TFEC: variants seen among roughly 807,000 people sequenced by gnomAD.
TFEC encodes transcription factor EC.
A neutral mutation model predicts 41.6 loss-of-function variants in TFEC; 31 were observed. That is an observed-to-expected ratio of 0.74 (90% CI 0.56 to 1.01). The LOEUF (loss-of-function observed/expected upper bound fraction) is 1.01, where lower values mean the gene tolerates loss of function less well. TFEC is among the 50% of genes least tolerant of loss of function. TFEC has a pLI of 0.00. For missense variants in TFEC, 402 were observed against 404.1 expected, an observed-to-expected ratio of 0.99 and a Z score of 0.04; for synonymous variants, 143 against 140.6, an observed-to-expected ratio of 1.02 and a Z score of -0.12.
chr7:116,125,621 T>C (rs562911206), intron 1 of TFEC, among the ~76,000 whole-genome samples: 41 of 150,954 alleles, frequency 2.7e-4, no homozygotes, highest in African/African-American at 9.7e-4. Context: ...CGAGATAGAG[T>C]GGAAGGGACA....
At chr7:115,954,472 T>C in intron 5 of TFEC, 114 bp downstream of exon 5, 1 of 665,692 alleles carries the variant, frequency 1.5e-6, no homozygotes, top group South Asian at 2.9e-5. Flanking sequence ...ATATGTGCAA[T>C]TAATTTTGGC....
chr7:115,971,195 G>C (rs544635655), intron 3 of TFEC, among the ~76,000 whole-genome samples: 2 of 151,954 alleles, frequency 1.3e-5, no homozygotes, highest in Admixed American at 6.6e-5. Context: ...AAGACCCAGA[G>C]ACATTGGCTT....
At chr7:116,127,597 A>C (rs1198842188) in intron 1 of TFEC, among the ~76,000 whole-genome samples, 2 of 151,540 alleles carry the variant, frequency 1.3e-5, no homozygotes, top group Non-Finnish European at 2.9e-5. Flanking sequence ...AAGTACTCCA[A>C]GATTACTCAT....
chr7:116,130,045 AACACACACACACACAC>A (rs56872188), intron 1 of TFEC, among the ~76,000 whole-genome samples: 4 of 142,248 alleles, frequency 2.8e-5, no homozygotes, highest in South Asian at 2.4e-4. Flanking sequence ...AACATGCAAG[AACACACACACACACAC>A]ACACACACAC....
intron 3 of TFEC, among the ~76,000 whole-genome samples, chr7:116,074,432 TA>T (rs1285198981): frequency 1.3e-5 from 2 of 152,026 alleles, no homozygotes; most frequent in Non-Finnish European, 2.9e-5. Context: ...AGAAACCCAT[TA>T]AAAATGGGCA....
At chr7:116,158,033 T>A (rs1194293151) in intron 1 of TFEC, among the ~76,000 whole-genome samples, 1 of 152,154 alleles carries the variant, frequency 6.6e-6, no homozygotes, top group Non-Finnish European at 1.5e-5. Flanking sequence ...ATCTCCTTAT[T>A]TGTAAAATTA....
chr7:116,034,662 A>G (rs933536668), upstream of TFEC, among the ~76,000 whole-genome samples: 3 of 148,860 alleles, frequency 2.0e-5, no homozygotes, highest in African/African-American at 7.4e-5. Flanking sequence ...TCTGTTACAC[A>G]CACACTAACA....
chr7:116,088,274 G>A (rs1289036519), intron 3 of TFEC, among the ~76,000 whole-genome samples: 2 of 152,074 alleles, frequency 1.3e-5, no homozygotes, highest in Admixed American at 1.3e-4. Flanking sequence ...GACCCCTACT[G>A]CAGAACTTTT....
intron 3 of TFEC, among the ~76,000 whole-genome samples, chr7:116,109,333 G>A (rs569142892): frequency 1.3e-5 from 2 of 152,142 alleles, no homozygotes; most frequent in Non-Finnish European, 2.9e-5. Context: ...ATCTGACAAA[G>A]TGCTAATATC....
chr7:116,100,542 T>C (rs1220278657), intron 3 of TFEC, among the ~76,000 whole-genome samples: 2 of 152,042 alleles, frequency 1.3e-5, no homozygotes, highest in Admixed American at 6.6e-5. Flanking sequence ...TAGTGTAGTA[T>C]TGCCAATTAC....
intron 1 of TFEC, among the ~76,000 whole-genome samples, chr7:115,985,694 G>C (rs990088005): frequency 6.6e-6 from 1 of 151,908 alleles, no homozygotes; most frequent in Non-Finnish European, 1.5e-5. Context: ...AATTGTACTA[G>C]CATAAAATAA....
chr7:116,121,723 C>T (rs773789262), intron 1 of TFEC, among the ~76,000 whole-genome samples: 10 of 151,940 alleles, frequency 6.6e-5, no homozygotes, highest in South Asian at 2.1e-4. Flanking sequence ...TATTATGTGA[C>T]GATTATCTTT....
At chr7:115,944,790 C>A (rs1412822964) in intron 6 of TFEC, among the ~76,000 whole-genome samples, 1 of 151,142 alleles carries the variant, frequency 6.6e-6, no homozygotes, top group Non-Finnish European at 1.5e-5. Flanking sequence ...CTTTCAAATG[C>A]ATCTGTCATA....
At chr7:116,126,258 A>G (rs1798206779) in intron 1 of TFEC, among the ~76,000 whole-genome samples, 1 of 152,180 alleles carries the variant, frequency 6.6e-6, no homozygotes, top group Non-Finnish European at 1.5e-5. Flanking sequence ...AAAAATCCAG[A>G]TGCACTAAAA....
At chr7:115,944,563 AT>A (rs1793691886) in intron 6 of TFEC, among the ~76,000 whole-genome samples, 1 of 151,754 alleles carries the variant, frequency 6.6e-6, no homozygotes, top group Admixed American at 6.6e-5. Flanking sequence ...ATACATAGAA[AT>A]AAAAACTTCA....
intron 3 of TFEC, among the ~76,000 whole-genome samples, chr7:116,061,616 A>C (rs1049028514): frequency 6.6e-6 from 1 of 152,148 alleles, no homozygotes; most frequent in African/African-American, 2.4e-5. Context: ...ATTTCAACAC[A>C]CAGTAAACAC....
intron 5 of TFEC, 152 bp downstream of exon 5, chr7:115,954,434 G>A: frequency 2.0e-6 from 1 of 512,316 alleles, no homozygotes; most frequent in African/African-American, 2.0e-5. Flanking sequence ...AGCTCACATT[G>A]TTAATATTTC....
chr7:116,061,807 T>C (rs1399370316), intron 3 of TFEC, among the ~76,000 whole-genome samples: 1 of 152,134 alleles, frequency 6.6e-6, no homozygotes, highest in African/African-American at 2.4e-5. Flanking sequence ...CACTTCACCA[T>C]ATAAGGTATA....
chr7:115,953,531 A>G (rs936883755), intron 5 of TFEC, among the ~76,000 whole-genome samples: 1 of 152,102 alleles, frequency 6.6e-6, no homozygotes, highest in Non-Finnish European at 1.5e-5. Context: ...AGCTGCAGAC[A>G]CAGAAGAGAG....
Sources: gnomAD v4.1 joint callset for allele counts (sites outside exome capture counted in the v4.1 genomes callset) on GRCh38, gnomAD v4.1.1 for gene constraint, MANE v1.5 for transcripts, NCBI Gene and HGNC (gene_info 2026-07-23, HGNC 2026-07-21) for gene names.